Variants in CCDC110 observed in about 807,000 individuals in gnomAD.
CCDC110 encodes the protein coiled-coil domain containing 110.
Under a neutral mutation model 77.1 loss-of-function variants are expected in CCDC110, and 70 were observed. The ratio of observed to expected loss-of-function variants is 0.91; its 90% CI spans 0.75 to 1.11. The LOEUF is 1.11. CCDC110 is among the 50% of genes least tolerant of loss of function. The pLI, the probability that CCDC110 is intolerant of heterozygous loss-of-function variation, is 0.00. For synonymous variants in CCDC110, 295 were observed against 312.5 expected (o/e 0.94, Z 0.59); for missense variants, 868 against 942.9 (o/e 0.92, Z 1.04).
chr4:185,461,914 G>A (rs988092751), intron 4 of CCDC110, among the ~76,000 whole-genome samples: 3 of 152,148 alleles, frequency 2.0e-5, no homozygotes, highest in African/African-American at 7.2e-5. Context: ...CCTGGCTAAT[G>A]TGGCGAAACC....
In CCDC110 at chr4:185,458,764, T is replaced by G. The variant is rs779275203; in HGVS notation, c.1823A>C (p.Glu608Ala). Residue 608 changes from glutamate to alanine, a missense_variant, in exon 6 of 7, where the codon GAA becomes GCA. By Grantham distance (107) the Glu-to-Ala change is moderately radical. Coordinates refer to ENST00000307588, the MANE Select transcript of CCDC110 (RefSeq NM_152775.4). ...EKSSLGNELKESQLEIIQLKE... is the reference protein window; with the variant it reads ...EKSSLGNELKASQLEIIQLKE... Reference sequence around the variant, plus strand: ...TAGCTGGATTATCTCTAGCTGGCTTTCTTTTAGTTCATTTCCAAGTGAGCT... The same window carrying G: ...TAGCTGGATTATCTCTAGCTGGCTTGCTTTTAGTTCATTTCCAAGTGAGCT... 21 of 1,610,430 alleles carry G rather than the reference T, an allele frequency of 1.3e-5. No individual in the cohort carries two copies. The highest frequency in any genetic ancestry group is 1.6e-5 in the Non-Finnish European group (19 of 1,179,248).
Position 185,445,314 on chromosome 4 carries a change from T to C in CCDC110, c.*188A>G. On this transcript the variant is annotated 3_prime_UTR_variant, in exon 7 of 7. Coordinates refer to ENST00000307588, the MANE Select transcript of CCDC110 (RefSeq NM_152775.4). ...TCCCTTGTAGAAGTTCTCCCCCATC[T>C]TCTGAAATTCCCAGCTGAGAAAGCT... 1.4e-6 allele frequency: 1 copy of C among 712,604 alleles called. No homozygotes were observed. The allele number at this position is 712,604 out of a possible 1,614,324, so 44.1% of individuals were successfully genotyped here. A position where few individuals can be genotyped will look rare whatever the true frequency, so the allele number is the denominator to read the frequency against.
In CCDC110 at chr4:185,458,123, T is replaced by A. The variant is rs546411272; in HGVS notation, c.2461+3A>T. 3.3e-6 allele frequency: 5 copies of A among 1,537,802 alleles called. No individual in the cohort carries two copies. In the African/African-American group the frequency reaches 7.0e-5, roughly 21 times the overall value. The stretch of plus-strand genomic sequence containing the variant: ...CTCTACTAATCTACCAGGACTTGCG[T>A]ACCTTTCAAATCCGAAGCCAAAGGC... On this transcript the variant is annotated splice_donor_region_variant and intron_variant, in intron 6 of 6. Transcript: ENST00000307588.
intron 6 of CCDC110, among the ~76,000 whole-genome samples, chr4:185,445,886 G>A (rs1219051091): frequency 1.3e-5 from 2 of 152,090 alleles, no homozygotes; most frequent in African/African-American, 2.4e-5. Context: ...TTATTGCCCA[G>A]GCTGGGGTAC....
At chr4:185,457,971 CTAAA>C (rs1284332973) in intron 6 of CCDC110, 151 bp downstream of exon 6, 43 of 634,124 alleles carry the variant, frequency 6.8e-5, no homozygotes, top group East Asian at 3.2e-4. Context: ...GAAAAAATTC[CTAAA>C]TAATTTCACT....
At chr4:185,464,549 C>T (rs566353558) in intron 2 of CCDC110, among the ~76,000 whole-genome samples, 1 of 152,284 alleles carries the variant, frequency 6.6e-6, no homozygotes, top group South Asian at 2.1e-4. Flanking sequence ...CCCAGACCAG[C>T]ATAGGAAGGA....
At chr4:185,470,907 T>C in intron 2 of CCDC110, 38 bp downstream of exon 2, 1 of 1,409,208 alleles carries the variant, frequency 7.1e-7, no homozygotes, top group Non-Finnish European at 1.0e-6. Context: ...GCCGCCTGTG[T>C]ATAGTTAAAG....
rs1171127885 is a variant in CCDC110 at position 185,471,680 on chromosome 4, T to A, written c.4A>T (p.Ser2Cys). The A allele has an allele frequency of 6.4e-7, 1 of 1,552,418 alleles. No homozygotes were observed. Among genetic ancestry groups the A allele is most frequent in the Non-Finnish European group, 8.7e-7 (1 of 1,153,650 alleles). MSPEKQHREEDE... is the reference protein window; with the variant it reads MCPEKQHREEDE... Reference sequence around the variant, plus strand: ...CGCCCCGTCCAACTCTTACCCGGGCTCATCGCCGCGGCTCATCTCTCTCGC... The same window carrying A: ...CGCCCCGTCCAACTCTTACCCGGGCACATCGCCGCGGCTCATCTCTCTCGC... Residue 2 changes from serine to cysteine, a missense_variant, in exon 1 of 7, where the codon AGC becomes TGC. Physicochemically the swap from Ser to Cys is moderately radical, Grantham distance 112. Transcript: ENST00000307588.
In CCDC110 at chr4:185,462,711, A is replaced by G. The variant is rs757562063; in HGVS notation, c.172-3T>C. ...GATTCCAACTGCTGCTGAAGGACCT[A>G]TGACAAAAGTAAAGTATGAAATTGA... is the stretch of plus-strand genomic sequence containing the variant. On this transcript the variant is annotated splice_polypyrimidine_tract_variant and splice_region_variant and intron_variant, in intron 3 of 6. Coordinates refer to ENST00000307588, the MANE Select transcript of CCDC110 (RefSeq NM_152775.4). 1 of 1,612,286 alleles carries G rather than the reference A, an allele frequency of 6.2e-7. No homozygotes were observed. Among genetic ancestry groups the G allele is most frequent in the South Asian group, 1.1e-5 (1 of 91,032 alleles).
At chr4:185,449,118 C>G (rs2153316932) in intron 6 of CCDC110, among the ~76,000 whole-genome samples, 1 of 152,100 alleles carries the variant, frequency 6.6e-6, no homozygotes, top group South Asian at 2.1e-4. Flanking sequence ...GTATATATGG[C>G]TTTAATAAAA....
chr4:185,449,950 G>A (rs564814696), intron 6 of CCDC110: 13 of 212,902 alleles, frequency 6.1e-5, no homozygotes, highest in South Asian at 3.0e-4. Context: ...AAATTGCAGC[G>A]TTGGAGGGGA....
rs2095639269 is a variant in CCDC110 at position 185,458,297 on chromosome 4, T to C, written c.2290A>G (p.Met764Val). The change falls in exon 6 of 7, where the codon ATG (methionine) becomes GTG (valine). Residue 764 changes from methionine (M) to valine (V), a missense_variant. Met to Val is a conservative substitution (Grantham distance 21). Transcript: ENST00000307588. Reference sequence around the variant, plus strand: ...AAATATTCTCGTTGAAGATGCCGCATCTCAAATTCCAAGGTATCCCTTTCA... The same window carrying C: ...AAATATTCTCGTTGAAGATGCCGCACCTCAAATTCCAAGGTATCCCTTTCA... ...ENERDTLEFE[M>V]RHLQREYLSL... is the part of the protein sequence containing the mutation. 6.3e-7 allele frequency: 1 copy of C among 1,595,464 alleles called. No individual in the cohort carries two copies. Among genetic ancestry groups the C allele is most frequent in the Non-Finnish European group, 8.5e-7 (1 of 1,175,026 alleles).
In CCDC110 at chr4:185,468,611, A is replaced by C. The variant is rs1402788202; in HGVS notation, c.115+2334T>G. 6.6e-6 allele frequency among the ~76,000 whole-genome samples: 1 copy of C among 152,102 alleles called. No individual in the cohort carries two copies. Among genetic ancestry groups the C allele is most frequent in the Non-Finnish European group, 1.5e-5 (1 of 68,008 alleles). On this transcript the variant is annotated intron_variant, in intron 2 of 6. Coordinates refer to ENST00000307588, the MANE Select transcript of CCDC110 (RefSeq NM_152775.4). The surrounding 1 kb of genome is among the most constrained non-coding windows in gnomAD (Gnocchi z 4.5). ...CCACCACAGGGTCTTTGCAGTTGCC[A>C]TTCTCTCTGCCTGCGGTGCTCTTTC...
At chr4:185,448,870 TGGAACAG>T (rs1325696945) in intron 6 of CCDC110, among the ~76,000 whole-genome samples, 1 of 140,062 alleles carries the variant, frequency 7.1e-6, no homozygotes, top group Non-Finnish European at 1.5e-5. Context: ...GTTAGAACTT[TGGAACAG>T]GGAGAAAGAG....
intron 6 of CCDC110, among the ~76,000 whole-genome samples, chr4:185,451,534 G>A (rs2153318251): frequency 6.6e-6 from 1 of 152,236 alleles, no homozygotes; most frequent in African/African-American, 2.4e-5. Context: ...AATTAATATT[G>A]TAAACACATT....
At position 185,468,779 on chromosome 4, in the gene CCDC110, C is replaced by T. The variant is rs73012194; in HGVS notation, c.115+2166G>A. 0.074 allele frequency among the ~76,000 whole-genome samples: 11,301 copies of T among 152,234 alleles called. 1,324 individuals are homozygous for T. The highest frequency in any genetic ancestry group is 0.25 in the African/African-American group (10,268 of 41,490). ...CTGCCACTCCAAATATTCCTCCCCC[C>T]CTTCTCAGCCTTATGTTCTCCATAG... On this transcript the variant is annotated intron_variant, in intron 2 of 6. Coordinates refer to ENST00000307588, the MANE Select transcript of CCDC110 (RefSeq NM_152775.4). The surrounding 1 kb of genome is among the most constrained non-coding windows in gnomAD (Gnocchi z 4.5).
In CCDC110 at chr4:185,459,871, T is replaced by A. The variant is rs749842341; in HGVS notation, c.716A>T (p.Asp239Val). 66 of 1,613,516 alleles carry A rather than the reference T, an allele frequency of 4.1e-5. 1 individual carries two copies. In the South Asian group the frequency reaches 6.6e-4, roughly 16 times the overall value. ...FLKHGFCENL[D>V]DICHSIKQMK... ...TTGTTTGATAGAATGGCAAATGTCA[T>A]CTAAATTTTCACAAAATCCATGCTT... Residue 239 changes from aspartate to valine, a missense_variant, in exon 6 of 7, where the codon GAT (aspartate) becomes GTT (valine). Coordinates refer to ENST00000307588, the MANE Select transcript of CCDC110 (RefSeq NM_152775.4).
rs141194686 is a variant in CCDC110 at position 185,461,151 on chromosome 4, C to T, written c.246G>A (p.Ser82=). The change falls in exon 5 of 7, where the codon TCG becomes TCA. Residue 82 remains serine (S), a synonymous_variant. Transcript: ENST00000307588. The stretch of plus-strand genomic sequence containing the variant: ...TTTTGTTCAATATTTCACTGATTTC[C>T]GACTGTACCTTTAAAAGATAAATTG... ...QTLQNVSMVQ[S]EISEILNKSI... is the part of the protein sequence containing the mutation. 976 of 1,514,568 alleles carry T rather than the reference C, an allele frequency of 6.4e-4. 5 individuals carry two copies. The highest frequency in any genetic ancestry group is 4.5e-3 in the Middle Eastern group (26 of 5,814). The allele number at this position is 1,514,568 out of a possible 1,614,324, so 93.8% of individuals were successfully genotyped here. A position where few individuals can be genotyped will look rare whatever the true frequency, so the allele number is the denominator to read the frequency against.
At chr4:185,463,288 C>G (rs1272595207) in intron 2 of CCDC110, among the ~76,000 whole-genome samples, 1 of 152,032 alleles carries the variant, frequency 6.6e-6, no homozygotes. Context: ...TTTGCAACAC[C>G]ACACTTAGAA....
Sources: allele counts gnomAD v4.1 joint callset (sites outside exome capture counted in the v4.1 genomes callset), GRCh38; gene constraint gnomAD v4.1.1; non-coding constraint Gnocchi (gnomAD v3.1); transcripts MANE v1.5; gene names NCBI Gene and HGNC (gene_info 2026-07-23, HGNC 2026-07-21).